UVSSA: variants seen among roughly 807,000 people sequenced by gnomAD.
The protein encoded by UVSSA is UV stimulated scaffold protein A.
In UVSSA, 72 loss-of-function variants were observed where a neutral mutation model predicts 73.9. The ratio of observed to expected loss-of-function variants is 0.97; its 90% CI spans 0.81 to 1.19. The LOEUF is 1.19. UVSSA is among the 50% of genes most tolerant of loss of function. UVSSA has a pLI of 0.00. For synonymous variants in UVSSA, 454 were observed against 391.3 expected (o/e 1.16, Z -1.89); for missense variants, 1,150 against 965.0 (o/e 1.19, Z -2.54).
At chr4:1,370,609 G>A (rs1011220467) in intron 8 of UVSSA, among the ~76,000 whole-genome samples, 7 of 152,248 alleles carry the variant, frequency 4.6e-5, no homozygotes, top group African/African-American at 1.7e-4. Context: ...CTCCAGCTTC[G>A]GGGGCCACAT....
upstream of UVSSA, among the ~76,000 whole-genome samples, chr4:1,342,358 C>A (rs972479814): frequency 6.6e-6 from 1 of 152,126 alleles, no homozygotes; most frequent in Non-Finnish European, 1.5e-5. Context: ...TGACCTGATG[C>A]GCTGATTGTA....
In UVSSA at chr4:1,347,688, T is replaced by C. The variant is rs543361415; in HGVS notation, c.-75T>C. On this transcript the variant is annotated 5_prime_UTR_variant, in exon 1 of 14. Coordinates refer to ENST00000389851, the MANE Select transcript of UVSSA (RefSeq NM_020894.4). The stretch of plus-strand genomic sequence containing the variant: ...CGCCCCTGCTCTCCGGACGCGACTT[T>C]TCATTGGTCTCAGAATTTCTTGGCT... 183 of 167,650 alleles carry C rather than the reference T, an allele frequency of 1.1e-3. No homozygotes were observed. Among genetic ancestry groups the C allele is most frequent in the Non-Finnish European group, 1.9e-3 (145 of 76,956 alleles). The allele number at this position is 167,650 out of a possible 1,614,324, so 10.4% of individuals were successfully genotyped here.
chr4:1,365,011 G>T (rs963022986), intron 7 of UVSSA, among the ~76,000 whole-genome samples: 2 of 152,224 alleles, frequency 1.3e-5, no homozygotes, highest in African/African-American at 4.8e-5. Context: ...CCGTGGTGGG[G>T]CTGTTGGAAG....
Position 1,353,024 on chromosome 4 carries a change from C to A in UVSSA, c.551-6C>A, listed in dbSNP as rs375343086. 5 of 1,602,204 alleles carry A rather than the reference C, an allele frequency of 3.1e-6. No individual in the cohort carries two copies. The highest frequency in any genetic ancestry group is 4.3e-6 in the Non-Finnish European group (5 of 1,173,978). On this transcript the variant is annotated splice_polypyrimidine_tract_variant and splice_region_variant and intron_variant, in intron 4 of 13. Coordinates refer to ENST00000389851, the MANE Select transcript of UVSSA (RefSeq NM_020894.4). ...GCAGCAAACAGGTGTCTTGATCTTC[C>A]GGCAGAAATGTCTGGAGAAATTGAA...
chr4:1,359,594 T>A (rs1330359199), intron 7 of UVSSA: 1 of 152,228 alleles, frequency 6.6e-6, no homozygotes, highest in Non-Finnish European at 1.5e-5. Context: ...ACCGGGTTAC[T>A]TGTTTCCGTG....
chr4:1,344,978 G>T (rs978954676), upstream of UVSSA, among the ~76,000 whole-genome samples: 1 of 152,176 alleles, frequency 6.6e-6, no homozygotes, highest in Non-Finnish European at 1.5e-5. Context: ...GAAGTCAACC[G>T]GTGGGATGCA....
intron 10 of UVSSA, 122 bp downstream of exon 10, chr4:1,376,290 G>T: frequency 1.4e-6 from 2 of 1,380,160 alleles, no homozygotes; most frequent in Non-Finnish European, 1.9e-6. Flanking sequence ...TCCCAGCTCT[G>T]CCCCACCTTC....
At chr4:1,372,794 T>TGCACTCATCTCCTGCTACTCA (rs1560469087) in intron 8 of UVSSA, among the ~76,000 whole-genome samples, 4 of 43,810 alleles carry the variant, frequency 9.1e-5, no homozygotes, top group East Asian at 1.1e-3. Flanking sequence ...CCCGCGTCCC[T>TGCACTCATCTCCTGCTACTCA]GCACTCACCT....
In UVSSA at chr4:1,376,074, C is replaced by T; in HGVS notation, c.1474C>T (p.Leu492=). ...ALPEPQEAQK[L]AAERARAPVV... ...GCCAGAGCCACAGGAGGCCCAGAAG[C>T]TGGCAGCAGAGCGGGCCCGGGCGCC... Residue 492 remains leucine (L), a synonymous_variant, in exon 10 of 14, where the codon CTG becomes TTG. Coordinates refer to ENST00000389851, the MANE Select transcript of UVSSA (RefSeq NM_020894.4). 1 of 1,602,122 alleles carries T rather than the reference C, an allele frequency of 6.2e-7. No homozygotes were observed. Among genetic ancestry groups the T allele is most frequent in the Non-Finnish European group, 8.5e-7 (1 of 1,175,018 alleles).
At chr4:1,377,597 C>T (rs558763492) in intron 10 of UVSSA, among the ~76,000 whole-genome samples, 24 of 152,326 alleles carry the variant, frequency 1.6e-4, no homozygotes, top group South Asian at 1.0e-3. Context: ...CACCGAGAAG[C>T]GGATGCCCGT....
intron 7 of UVSSA, among the ~76,000 whole-genome samples, chr4:1,363,274 G>A (rs1457501945): frequency 1.3e-5 from 2 of 152,128 alleles, no homozygotes; most frequent in African/African-American, 4.8e-5. Flanking sequence ...GGACCAGGGT[G>A]CCCTCATCAG....
chr4:1,358,820 C>T (rs773738457), intron 7 of UVSSA, among the ~76,000 whole-genome samples: 4 of 152,254 alleles, frequency 2.6e-5, no homozygotes, highest in South Asian at 2.1e-4. Flanking sequence ...GGATTGGCGT[C>T]GTTAACTCCG....
In UVSSA at chr4:1,349,646, A is replaced by G. The variant is rs529346376; in HGVS notation, c.221A>G (p.Gln74Arg). The G allele has an allele frequency of 5.0e-5, 80 of 1,614,100 alleles. 1 individual carries two copies. The highest frequency in any genetic ancestry group is 4.9e-4 in the Middle Eastern group (3 of 6,062). ...IVEELFVRSH[Q>R]FRMLVVSNFQ... is the part of the protein sequence containing the mutation. Reference sequence around the variant, plus strand: ...GAGGAACTCTTCGTCAGGTCTCACCAGTTCCGGATGCTGGTTGTTTCCAAC... The same window carrying G: ...GAGGAACTCTTCGTCAGGTCTCACCGGTTCCGGATGCTGGTTGTTTCCAAC... The change falls in exon 3 of 14, where the codon CAG (glutamine) becomes CGG (arginine). Residue 74 changes from glutamine (Q) to arginine (R), a missense_variant. Coordinates refer to ENST00000389851, the MANE Select transcript of UVSSA (RefSeq NM_020894.4).
exon 14 of UVSSA, chr4:1,394,227 T>C: frequency 1.7e-6 from 1 of 594,240 alleles, no homozygotes; most frequent in Non-Finnish European, 2.9e-6. Flanking sequence ...TGGCAGAGCT[T>C]CTCAGCGGCC....
At chr4:1,375,054 C>G in intron 8 of UVSSA, 1 of 355,790 alleles carries the variant, frequency 2.8e-6, no homozygotes. Flanking sequence ...CAGCTTCTTT[C>G]CAGCCTGGCG....
At chr4:1,362,587 C>G (rs1434835191) in intron 7 of UVSSA, among the ~76,000 whole-genome samples, 1 of 152,242 alleles carries the variant, frequency 6.6e-6, no homozygotes, top group Non-Finnish European at 1.5e-5. Flanking sequence ...ATCTCCTTTC[C>G]TGGATTCTTG....
Position 1,361,729 on chromosome 4 carries a change from A to G in UVSSA, c.1177-4591A>G, listed in dbSNP as rs769184065. Among the ~76,000 whole-genome samples, 28 of 152,268 alleles carry G rather than the reference A, an allele frequency of 1.8e-4. 1 individual carries two copies. The highest frequency in any genetic ancestry group is 7.3e-5 in the Non-Finnish European group (5 of 68,050). On this transcript the variant is annotated intron_variant, in intron 7 of 13. Transcript: ENST00000389851. ...ATAAATAGCAGATGCAATGACGACC[A>G]TCACAGCTGAGCACGTTTAATTTTT...
At chr4:1,381,363 G>A (rs993736933) in intron 12 of UVSSA, among the ~76,000 whole-genome samples, 3 of 152,260 alleles carry the variant, frequency 2.0e-5, no homozygotes, top group African/African-American at 4.8e-5. Flanking sequence ...TGGCTTCTAG[G>A]AACCCCTCTG....
chr4:1,394,952 C>G, exon 14 of UVSSA: 1 of 1,562,546 alleles, frequency 6.4e-7, no homozygotes, highest in African/African-American at 1.6e-5. Flanking sequence ...GAGTGCCCGC[C>G]TGCTCACACG....
Sources: gnomAD v4.1 joint callset for allele counts (sites outside exome capture counted in the v4.1 genomes callset) on GRCh38, gnomAD v4.1.1 for gene constraint, MANE v1.5 for transcripts, NCBI Gene and HGNC (gene_info 2026-07-23, HGNC 2026-07-21) for gene names.